The following FGF14 variants were observed in gnomAD, a reference collection of about 807,000 sequenced individuals.
FGF14 encodes fibroblast growth factor homologous factor 4.
A neutral mutation model predicts 25.5 loss-of-function variants in FGF14; 5 were observed. The observed-to-expected ratio is 0.20, with a 90% CI of 0.10 to 0.41. The LOEUF is 0.41. Ranked by LOEUF, FGF14 falls within the 10% of genes least tolerant of loss-of-function variation. The pLI is 1.00. For synonymous variants in FGF14, 138 were observed against 118.3 expected (o/e 1.17, Z -1.08); for missense variants, 222 against 320.1 (o/e 0.69, Z 2.34).
chr13:101,892,875 T>C (rs1393735849), intron 1 of FGF14, among the ~76,000 whole-genome samples: 2 of 152,134 alleles, frequency 1.3e-5, no homozygotes, highest in African/African-American at 2.4e-5. Flanking sequence ...ATGGAAAAGA[T>C]GGCCAAGTGT....
chr13:102,022,040 T>TC (rs922453746), intron 1 of FGF14, among the ~76,000 whole-genome samples: 1 of 152,108 alleles, frequency 6.6e-6, no homozygotes, highest in African/African-American at 2.4e-5. Context: ...CTACTCTGCG[T>TC]CCACTTGGGC....
chr13:101,732,925 T>C (rs2035906048), intron 3 of FGF14, among the ~76,000 whole-genome samples: 1 of 152,194 alleles, frequency 6.6e-6, no homozygotes, highest in East Asian at 1.9e-4. Context: ...CTACTAGAGT[T>C]TATCTGAGGT....
chr13:101,830,512 A>G (rs188606864), intron 3 of FGF14, among the ~76,000 whole-genome samples: 1 of 152,136 alleles, frequency 6.6e-6, no homozygotes, highest in Non-Finnish European at 1.5e-5. Flanking sequence ...TGAGATGCAA[A>G]TTAACGTGAG....
intron 1 of FGF14, among the ~76,000 whole-genome samples, chr13:102,018,044 TG>T (rs1356634376): frequency 6.6e-6 from 1 of 152,176 alleles, no homozygotes; most frequent in Non-Finnish European, 1.5e-5. Flanking sequence ...TCTGCTTCTT[TG>T]GATGTCAGTT....
chr13:102,020,301 C>A (rs2040568264), intron 1 of FGF14, among the ~76,000 whole-genome samples: 1 of 152,110 alleles, frequency 6.6e-6, no homozygotes, highest in Non-Finnish European at 1.5e-5. Context: ...GTAATCCCAG[C>A]ACTTTGGGAG....
intron 1 of FGF14, among the ~76,000 whole-genome samples, chr13:102,384,895 A>G (rs1457070726): frequency 4.6e-5 from 7 of 152,182 alleles, no homozygotes; most frequent in Non-Finnish European, 4.4e-5. Flanking sequence ...AACAAAATAA[A>G]CAAAAAATAA....
At chr13:102,078,476 A>T (rs1423963543) in intron 1 of FGF14, among the ~76,000 whole-genome samples, 1 of 152,174 alleles carries the variant, frequency 6.6e-6, no homozygotes, top group East Asian at 1.9e-4. Context: ...AAAGACTGAT[A>T]AGTAAAAGAC....
intron 4 of FGF14, 133 bp downstream of exon 4, chr13:101,726,479 C>T (rs776925808): frequency 3.3e-5 from 28 of 837,834 alleles, no homozygotes; most frequent in Non-Finnish European, 3.9e-5. Context: ...ACCTGTGCAA[C>T]CATCACCTAG....
At chr13:101,848,274 G>A (rs1239063424) in intron 3 of FGF14, among the ~76,000 whole-genome samples, 1 of 151,858 alleles carries the variant, frequency 6.6e-6, no homozygotes, top group Non-Finnish European at 1.5e-5. Context: ...GATTCTTAGA[G>A]ACCCAAAGGT....
intron 1 of FGF14, among the ~76,000 whole-genome samples, chr13:101,981,825 A>C (rs186772664): frequency 1.3e-3 from 197 of 152,322 alleles, no homozygotes; most frequent in Non-Finnish European, 2.4e-3. Context: ...AGAAGCTGAG[A>C]AAGGCAGAGA....
At chr13:101,897,987 C>A (rs559867065) in intron 1 of FGF14, among the ~76,000 whole-genome samples, 1 of 151,742 alleles carries the variant, frequency 6.6e-6, no homozygotes, top group African/African-American at 2.4e-5. Context: ...CTCTGCCTCC[C>A]GGGTTCAAGT....
At chr13:102,313,270 C>A (rs1373292703) in intron 1 of FGF14, among the ~76,000 whole-genome samples, 1 of 152,178 alleles carries the variant, frequency 6.6e-6, no homozygotes, top group African/African-American at 2.4e-5. Flanking sequence ...CACTCACACA[C>A]AGGGAAAGCA....
At chr13:101,929,461 G>A (rs949428647) in intron 1 of FGF14, among the ~76,000 whole-genome samples, 3 of 152,140 alleles carry the variant, frequency 2.0e-5, no homozygotes, top group East Asian at 1.9e-4. Flanking sequence ...TGTCAGTGAC[G>A]AAATTAGGAA....
At chr13:102,232,073 T>C (rs1319275559) in intron 1 of FGF14, among the ~76,000 whole-genome samples, 1 of 152,224 alleles carries the variant, frequency 6.6e-6, no homozygotes, top group East Asian at 1.9e-4. Context: ...CTTGTTTTGC[T>C]AATCAATAGA....
At chr13:101,994,270 C>T (rs1199723941) in intron 1 of FGF14, among the ~76,000 whole-genome samples, 1 of 151,988 alleles carries the variant, frequency 6.6e-6, no homozygotes, top group East Asian at 1.9e-4. Context: ...ATGTTCAATA[C>T]ATGATAAAAT....
At chr13:101,836,794 T>C (rs2042946991) in intron 3 of FGF14, among the ~76,000 whole-genome samples, 1 of 152,030 alleles carries the variant, frequency 6.6e-6, no homozygotes, top group South Asian at 2.1e-4. Context: ...CAAGAGATTT[T>C]TGAGAGCTGG....
chr13:101,793,671 G>A (rs1053772936), intron 3 of FGF14, among the ~76,000 whole-genome samples: 14 of 151,892 alleles, frequency 9.2e-5, no homozygotes, highest in Admixed American at 7.9e-4. Flanking sequence ...TTCCATAATG[G>A]CAGCACTCAT....
intron 1 of FGF14, among the ~76,000 whole-genome samples, chr13:102,015,606 T>C (rs1449756779): frequency 2.0e-5 from 3 of 152,188 alleles, no homozygotes; most frequent in Non-Finnish European, 4.4e-5. Flanking sequence ...TCATTACACA[T>C]TCCTTTCTGC....
At chr13:102,046,510 A>G (rs1186928106) in intron 1 of FGF14, among the ~76,000 whole-genome samples, 1 of 152,216 alleles carries the variant, frequency 6.6e-6, no homozygotes, top group Non-Finnish European at 1.5e-5. Context: ...AAGTGAGTAT[A>G]GCTACCCAGG....
Sources: allele counts gnomAD v4.1 joint callset (sites outside exome capture counted in the v4.1 genomes callset), GRCh38; gene constraint gnomAD v4.1.1; transcripts MANE v1.5; gene names NCBI Gene and HGNC (gene_info 2026-07-23, HGNC 2026-07-21).